The following MAPK8 variants were observed in gnomAD, a reference collection of about 807,000 sequenced individuals.
The protein encoded by MAPK8 is mitogen-activated protein kinase 8, also known as JUN N-terminal kinase.
Under a neutral mutation model 52.9 loss-of-function variants are expected in MAPK8, and 13 were observed. The ratio of observed to expected loss-of-function variants is 0.25; its 90% CI spans 0.16 to 0.39. The LOEUF is 0.39. MAPK8 is among the 10% of genes least tolerant of loss of function. MAPK8 has a pLI of 1.00. For synonymous variants in MAPK8, 191 were observed against 169.8 expected (o/e 1.12, Z -0.97); for missense variants, 300 against 519.2 (o/e 0.58, Z 4.10).
At chr10:48,381,378 ACTTT>A (rs2040994911) in intron 1 of MAPK8, among the ~76,000 whole-genome samples, 1 of 152,092 alleles carries the variant, frequency 6.6e-6, no homozygotes, top group South Asian at 2.1e-4. Flanking sequence ...CTTTTTTATA[ACTTT>A]CTTCACCAAA....
chr10:48,414,106 A>C (rs1261564534), intron 5 of MAPK8, among the ~76,000 whole-genome samples: 1 of 151,734 alleles, frequency 6.6e-6, no homozygotes, highest in Admixed American at 6.6e-5. Flanking sequence ...AGCAAACACT[A>C]ATCTACTTTC....
chr10:48,331,509 C>G (rs1298329061), intron 1 of MAPK8, among the ~76,000 whole-genome samples: 1 of 152,194 alleles, frequency 6.6e-6, no homozygotes, highest in East Asian at 1.9e-4. Context: ...TCCAGGGTCT[C>G]TTTTACCAAT....
At position 48,411,107 on chromosome 10, in the gene MAPK8, T is replaced by A. The variant is rs78323283; in HGVS notation, c.450+939T>A. Reference sequence around the variant, plus strand: ...TCACTTTGCTGATGATTTCCTTTAATGCACAAAAACTATAATTTTAATGAA... The same window carrying A: ...TCACTTTGCTGATGATTTCCTTTAAAGCACAAAAACTATAATTTTAATGAA... On this transcript the variant is annotated intron_variant, in intron 5 of 11. Coordinates refer to ENST00000374189, the MANE Select transcript of MAPK8 (RefSeq NM_001323329.2). Among the ~76,000 whole-genome samples, 22 of 152,374 alleles carry A rather than the reference T, an allele frequency of 1.4e-4. No homozygotes were observed. The East Asian group carries it at 3.8e-3, about 27-fold the overall frequency.
intron 1 of MAPK8, among the ~76,000 whole-genome samples, chr10:48,379,938 TAAAAAA>T (rs373050540): frequency 8.6e-6 from 1 of 115,916 alleles, no homozygotes; most frequent in Non-Finnish European, 1.7e-5. Context: ...ACAAAGCTCT[TAAAAAA>T]AAAAAAAAAA....
chr10:48,427,031 AAATACTCCCAGCAT>A (rs1429575253), intron 9 of MAPK8, 35 bp from the exon 10 acceptor site: 24 of 1,388,678 alleles, frequency 1.7e-5, no homozygotes, highest in Non-Finnish European at 2.5e-5. Context: ...TACAGAGTTA[AAATACTCCCAGCAT>A]ACTGACTTGG....
intron 1 of MAPK8, among the ~76,000 whole-genome samples, chr10:48,390,660 G>A (rs536557103): frequency 6.0e-4 from 91 of 152,320 alleles, no homozygotes; most frequent in Admixed American, 2.7e-3. Context: ...TGGACGGGGC[G>A]GAGCGGGGGC....
At chr10:48,430,118 G>A (rs1441896937) in intron 10 of MAPK8, 1 of 152,208 alleles carries the variant, frequency 6.6e-6, no homozygotes, top group Non-Finnish European at 1.5e-5. Context: ...TGTTGAGATG[G>A]AGCCTTGCTC....
chr10:48,308,531 T>C (rs1841627924), intron 1 of MAPK8, among the ~76,000 whole-genome samples: 1 of 152,198 alleles, frequency 6.6e-6, no homozygotes, highest in Non-Finnish European at 1.5e-5. Flanking sequence ...TTTTTTAATA[T>C]GATAAATAAA....
chr10:48,405,454 A>G (rs1044881019), intron 3 of MAPK8, among the ~76,000 whole-genome samples: 3 of 152,156 alleles, frequency 2.0e-5, no homozygotes, highest in Non-Finnish European at 2.9e-5. Flanking sequence ...TTCACTGATC[A>G]CTTTATGATG....
intron 1 of MAPK8, among the ~76,000 whole-genome samples, chr10:48,381,544 A>G (rs1303727288): frequency 6.6e-6 from 1 of 152,186 alleles, no homozygotes; most frequent in Non-Finnish European, 1.5e-5. Flanking sequence ...TAACTGGTTT[A>G]TGTCTGTATT....
Position 48,346,609 on chromosome 10 carries a change from T to G in MAPK8, c.-50+39788T>G, listed in dbSNP as rs369606026. Among the ~76,000 whole-genome samples, 8 of 152,276 alleles carry G rather than the reference T, an allele frequency of 5.3e-5. No homozygotes were observed. The East Asian group carries it at 1.5e-3, about 29-fold the overall frequency. ...GAGAAGACTTTGCTCCTCCACCTCT[T>G]GTGGAGGGCCTGACATCAGTCAGGC... On this transcript the variant is annotated intron_variant, in intron 1 of 11. Coordinates refer to ENST00000374189, the MANE Select transcript of MAPK8 (RefSeq NM_001323329.2).
At chr10:48,399,532 C>T (rs1198903697) in intron 1 of MAPK8, among the ~76,000 whole-genome samples, 1 of 152,182 alleles carries the variant, frequency 6.6e-6, no homozygotes, top group East Asian at 1.9e-4. Context: ...AATCCCACTC[C>T]TGTGGCCGGG....
intron 2 of MAPK8, among the ~76,000 whole-genome samples, chr10:48,404,035 G>A (rs1033347799): frequency 2.6e-5 from 4 of 151,468 alleles, no homozygotes; most frequent in Admixed American, 1.3e-4. Context: ...TACCCGCCTC[G>A]GCCTCCCAAA....
At chr10:48,404,810 TGC>T in intron 2 of MAPK8, 40 bp from the exon 3 acceptor site, 1 of 1,536,000 alleles carries the variant, frequency 6.5e-7, no homozygotes, top group Admixed American at 1.9e-5. Context: ...TACAGATTTT[TGC>T]TTGAAGTTTT....
At chr10:48,395,428 T>C (rs1589172289) in intron 1 of MAPK8, among the ~76,000 whole-genome samples, 1 of 152,026 alleles carries the variant, frequency 6.6e-6, no homozygotes, top group African/African-American at 2.4e-5. Context: ...TTTTAACAAA[T>C]GATTTTTGGA....
At chr10:48,431,342 C>T (rs2044232457) in intron 11 of MAPK8, 72 bp downstream of exon 11, 3 of 913,252 alleles carry the variant, frequency 3.3e-6, no homozygotes, top group Non-Finnish European at 5.2e-6. Context: ...GGCCTGAAAC[C>T]TGCAGTTCTT....
rs2045006479 is a variant in MAPK8 at position 48,438,146 on chromosome 10, T to A, written c.*3117T>A. 6.6e-6 allele frequency: 1 copy of A among 152,250 alleles called. No homozygotes were observed. Among genetic ancestry groups the A allele is most frequent in the African/African-American group, 2.4e-5 (1 of 41,464 alleles). The allele number at this position is 152,250 out of a possible 1,614,324, so 9.4% of individuals were successfully genotyped here. A position where few individuals can be genotyped will look rare whatever the true frequency, so the allele number is the denominator to read the frequency against. ...TAGTTTGTGAGTGTTGTTCATTAGT[T>A]ACACATTAGCTATAGAGTGGATGCA... On this transcript the variant is annotated 3_prime_UTR_variant, in exon 12 of 12. Coordinates refer to ENST00000374189, the MANE Select transcript of MAPK8 (RefSeq NM_001323329.2).
chr10:48,426,636 A>G, intron 9 of MAPK8, 132 bp downstream of exon 9: 1 of 831,836 alleles, frequency 1.2e-6, no homozygotes, highest in Non-Finnish European at 1.8e-6. Context: ...CTGTTTCTTC[A>G]TGAAGACTAC....
Position 48,431,266 on chromosome 10 carries a change from T to G in MAPK8, c.1134T>G (p.Pro378=). ...GAGTTATACGGGGGCAGCCCTCTCC[T>G]TTAGGTTGGTTACAATATAAGCTTG... ...KNGVIRGQPS[P]LGAAVINGSQ... Residue 378 remains proline, a synonymous_variant, in exon 11 of 12, where the codon CCT becomes CCG. Transcript: ENST00000374189. 1 of 1,607,674 alleles carries G rather than the reference T, an allele frequency of 6.2e-7. No homozygotes were observed. The highest frequency in any genetic ancestry group is 8.5e-7 in the Non-Finnish European group (1 of 1,174,658).
Sources: gnomAD v4.1 joint callset for allele counts (sites outside exome capture counted in the v4.1 genomes callset) on GRCh38, gnomAD v4.1.1 for gene constraint, MANE v1.5 for transcripts, NCBI Gene and HGNC (gene_info 2026-07-23, HGNC 2026-07-21) for gene names.